ZDHHC11B: variants seen among roughly 807,000 people sequenced by gnomAD.
The protein encoded by ZDHHC11B is probable palmitoyltransferase ZDHHC11B.
In ZDHHC11B, 17 loss-of-function variants were observed where a neutral mutation model predicts 42.3. The observed-to-expected ratio is 0.40, with a 90% CI of 0.27 to 0.60. ZDHHC11B has a LOEUF of 0.60. Ranked by LOEUF, ZDHHC11B falls within the 20% of genes least tolerant of loss-of-function variation. The pLI is 0.41. For synonymous variants in ZDHHC11B, 123 were observed against 193.5 expected (o/e 0.64, Z 3.02); for missense variants, 262 against 463.2 (o/e 0.57, Z 3.99).
chr5:739,685 A>G (rs962142679), intron 10 of ZDHHC11B, among the ~76,000 whole-genome samples: 29 of 146,276 alleles, frequency 2.0e-4, no homozygotes, highest in Admixed American at 2.8e-4. Flanking sequence ...AACTAGTACA[A>G]CTACTATAAA....
chr5:764,223 T>A (rs1344117052), intron 4 of ZDHHC11B, among the ~76,000 whole-genome samples: 2 of 151,964 alleles, frequency 1.3e-5, no homozygotes, highest in African/African-American at 4.8e-5. Flanking sequence ...GACAGCACGC[T>A]GGCAGCCCTG....
In ZDHHC11B at chr5:736,969, A is replaced by G. The variant is rs1743594081; in HGVS notation, c.936-3130T>C. Among the ~76,000 whole-genome samples, 2 of 141,550 alleles carry G rather than the reference A, an allele frequency of 1.4e-5. 1 individual carries two copies. The highest frequency in any genetic ancestry group is 1.5e-4 in the Admixed American group (2 of 13,356). The allele number at this position is 141,550 out of a possible 152,430, so 92.9% of individuals were successfully genotyped here. A position where few individuals can be genotyped will look rare whatever the true frequency, so the allele number is the denominator to read the frequency against. Reference sequence around the variant, plus strand: ...GAAGAAAAGTAATAACGAACATCAGAGCAGAACTAAATGAAATTCAAACAA... The same window carrying G: ...GAAGAAAAGTAATAACGAACATCAGGGCAGAACTAAATGAAATTCAAACAA... On this transcript the variant is annotated intron_variant, in intron 10 of 13. Coordinates refer to ENST00000508859, the MANE Select transcript of ZDHHC11B (RefSeq NM_001351303.2).
chr5:746,427 G>A (rs1247750514), intron 8 of ZDHHC11B, among the ~76,000 whole-genome samples: 1 of 136,356 alleles, frequency 7.3e-6, no homozygotes, highest in African/African-American at 2.5e-5. Context: ...CACGGGGGTG[G>A]GGACAGGCCT....
intron 4 of ZDHHC11B, among the ~76,000 whole-genome samples, chr5:761,270 A>G (rs1734575781): frequency 6.6e-6 from 1 of 151,836 alleles, no homozygotes; most frequent in Admixed American, 6.6e-5. Flanking sequence ...CGTGCAGCAC[A>G]GGGTTAGTGA....
intron 1 of ZDHHC11B, among the ~76,000 whole-genome samples, chr5:775,726 G>A (rs1481159357): frequency 6.6e-6 from 1 of 151,826 alleles, no homozygotes; most frequent in Non-Finnish European, 1.5e-5. Flanking sequence ...CCAACGTGCT[G>A]TGACTGCAGG....
chr5:761,146 C>T (rs1424385464), intron 4 of ZDHHC11B, among the ~76,000 whole-genome samples: 2 of 151,876 alleles, frequency 1.3e-5, no homozygotes, highest in African/African-American at 4.8e-5. Flanking sequence ...AGAATGTTGG[C>T]GTGGACTGCC....
At chr5:720,012 C>T (rs1156797163) in intron 12 of ZDHHC11B, among the ~76,000 whole-genome samples, 2 of 151,758 alleles carry the variant, frequency 1.3e-5, no homozygotes, top group Non-Finnish European at 2.9e-5. Context: ...ATAGTGTATA[C>T]AGGGTTTGGT....
intron 4 of ZDHHC11B, among the ~76,000 whole-genome samples, chr5:757,074 C>G (rs1404335723): frequency 2.0e-5 from 3 of 151,840 alleles, no homozygotes; most frequent in Non-Finnish European, 4.4e-5. Flanking sequence ...GATACTGGCT[C>G]CCTCCTCCTC....
chr5:784,333 G>A (rs1271670508), intron 1 of ZDHHC11B, among the ~76,000 whole-genome samples: 2 of 152,000 alleles, frequency 1.3e-5, no homozygotes, highest in Non-Finnish European at 2.9e-5. Context: ...GGGAAGGGCT[G>A]CAGGGGCGTC....
At position 729,777 on chromosome 5, in the gene ZDHHC11B, C is replaced by T. The variant is rs543641433; in HGVS notation, c.1058+657G>A. Among the ~76,000 whole-genome samples, 273 of 152,000 alleles carry T rather than the reference C, an allele frequency of 1.8e-3. 7 individuals carry two copies. The highest frequency in any genetic ancestry group is 6.8e-3 in the Middle Eastern group (2 of 292). On this transcript the variant is annotated intron_variant, in intron 12 of 13. Coordinates refer to ENST00000508859, the MANE Select transcript of ZDHHC11B (RefSeq NM_001351303.2). ...TGTTCATTTTATGGAAAGGAAAATGCAATAGCAAACAAGGAGTAAATAACT... is the reference window on the plus strand; with the variant it reads ...TGTTCATTTTATGGAAAGGAAAATGTAATAGCAAACAAGGAGTAAATAACT...
chr5:724,562 G>C (rs1742426749), intron 12 of ZDHHC11B, among the ~76,000 whole-genome samples: 1 of 138,914 alleles, frequency 7.2e-6, no homozygotes, highest in Non-Finnish European at 1.5e-5. Flanking sequence ...ATTTTTAGTA[G>C]AGACAGGGTT....
Position 730,472 on chromosome 5 carries a change from T to TG in ZDHHC11B, c.1024-5dup, listed in dbSNP as rs1297002934. 4.5e-6 allele frequency: 7 copies of TG among 1,554,776 alleles called. No homozygotes were observed. The highest frequency in any genetic ancestry group is 1.4e-5 in the African/African-American group (1 of 70,694). On this transcript the variant is annotated splice_polypyrimidine_tract_variant and splice_region_variant and intron_variant, in intron 11 of 13. Coordinates refer to ENST00000508859, the MANE Select transcript of ZDHHC11B (RefSeq NM_001351303.2). Reference sequence around the variant, plus strand: ...TACTCGGGGCATCATCTGCTTCCTGTGGGGGGAAGGGAAGCAAAATTCTTA... The same window carrying TG: ...TACTCGGGGCATCATCTGCTTCCTGTGGGGGGGAAGGGAAGCAAAATTCTTA...
At chr5:717,776 G>A (rs889379444) in intron 12 of ZDHHC11B, among the ~76,000 whole-genome samples, 1 of 151,842 alleles carries the variant, frequency 6.6e-6, no homozygotes, top group Non-Finnish European at 1.5e-5. Flanking sequence ...GAACCTGGAA[G>A]AGACCCCCAG....
Position 764,710 on chromosome 5 carries a change from G to A in ZDHHC11B, c.222+1988C>T, listed in dbSNP as rs914692473. On this transcript the variant is annotated intron_variant, in intron 4 of 13. Transcript: ENST00000508859. ...CACCGTCCCCTGCTCTGCGGCACCC[G>A]GTCCCATCCACCACCCAAGGGCTGA... 1.6e-4 allele frequency among the ~76,000 whole-genome samples: 25 copies of A among 151,888 alleles called. 1 individual carries two copies. Among genetic ancestry groups the A allele is most frequent in the Non-Finnish European group, 3.1e-4 (21 of 67,908 alleles).
At chr5:756,827 C>A (rs1039601654) in intron 4 of ZDHHC11B, among the ~76,000 whole-genome samples, 18 of 151,652 alleles carry the variant, frequency 1.2e-4, no homozygotes, top group Non-Finnish European at 2.5e-4. Flanking sequence ...CACTGACGGA[C>A]CCTCTCCCCG....
At position 732,798 on chromosome 5, in the gene ZDHHC11B, C is replaced by T. The variant is rs562293743; in HGVS notation, c.1023+954G>A. 1.4e-4 allele frequency: 38 copies of T among 271,708 alleles called. 1 individual carries two copies. The highest frequency in any genetic ancestry group is 2.7e-4 in the African/African-American group (12 of 45,166). The allele number at this position is 271,708 out of a possible 1,614,324, so 16.8% of individuals were successfully genotyped here. A position where few individuals can be genotyped will look rare whatever the true frequency, so the allele number is the denominator to read the frequency against. ...TAATCCCTGTGCTATTAGAGGCTCACGCCTCTAATTCCCCTGAGCCTGGGG... is the reference window on the plus strand; with the variant it reads ...TAATCCCTGTGCTATTAGAGGCTCATGCCTCTAATTCCCCTGAGCCTGGGG... On this transcript the variant is annotated intron_variant, in intron 11 of 13. Transcript: ENST00000508859.
intron 12 of ZDHHC11B, among the ~76,000 whole-genome samples, chr5:718,185 C>A (rs72503630): frequency 6.6e-6 from 1 of 151,914 alleles, no homozygotes; most frequent in African/African-American, 2.4e-5. Context: ...ATGTAGATAA[C>A]TGTGTTGTAA....
At chr5:760,004 C>A (rs1382497404) in intron 4 of ZDHHC11B, among the ~76,000 whole-genome samples, 4 of 151,900 alleles carry the variant, frequency 2.6e-5, no homozygotes, top group Non-Finnish European at 5.9e-5. Flanking sequence ...GCGGGAGGGG[C>A]AGCATGGACA....
rs1225020355 is a variant in ZDHHC11B, at chr5:735,644, G to A, written c.936-1805C>T. 1.3e-3 allele frequency among the ~76,000 whole-genome samples: 185 copies of A among 139,330 alleles called. 11 individuals are homozygous for A. The highest frequency in any genetic ancestry group is 4.8e-3 in the African/African-American group (177 of 37,258). 91.4% of individuals were successfully genotyped at this position (139,330 alleles called of 152,430 possible). ...CAGCAGAAACTCTACACACTAGAAGGGATTGGGGTCCTATCTCTAGCCTCT... is the reference window on the plus strand; with the variant it reads ...CAGCAGAAACTCTACACACTAGAAGAGATTGGGGTCCTATCTCTAGCCTCT... On this transcript the variant is annotated intron_variant, in intron 10 of 13. Transcript: ENST00000508859.
Sources: allele counts gnomAD v4.1 joint callset (sites outside exome capture counted in the v4.1 genomes callset), GRCh38; gene constraint gnomAD v4.1.1; transcripts MANE v1.5; gene names NCBI Gene and HGNC (gene_info 2026-07-23, HGNC 2026-07-21).